The following WWOX variants were observed in gnomAD, a reference collection of about 807,000 sequenced individuals.
WWOX encodes WW domain-containing oxidoreductase.
Under a neutral mutation model 46.2 loss-of-function variants are expected in WWOX, and 69 were observed. The ratio of observed to expected loss-of-function variants is 1.49; its 90% confidence interval spans 1.23 to 1.82. WWOX has a LOEUF of 1.82. WWOX is among the 40% of genes most tolerant of loss of function. WWOX has a pLI of 0.00. For synonymous variants in WWOX, 359 were observed against 202.6 expected (o/e 1.77, Z -6.56); for missense variants, 919 against 542.6 (o/e 1.69, Z -6.89).
chr16:79,039,453 A>C (rs1048365327), intron 8 of WWOX, among the ~76,000 whole-genome samples: 2 of 152,144 alleles, frequency 1.3e-5, no homozygotes, highest in African/African-American at 4.8e-5. Context: ...CCTCCTGGGC[A>C]CAGCTGTGCA....
chr16:78,383,249 T>G (rs544211393), intron 5 of WWOX, among the ~76,000 whole-genome samples: 11 of 152,042 alleles, frequency 7.2e-5, no homozygotes, highest in African/African-American at 2.7e-4. Context: ...TCTAGTAAAT[T>G]GTGTTGTGTT....
At chr16:79,184,981 A>G (rs750540818) in intron 8 of WWOX, among the ~76,000 whole-genome samples, 1 of 152,246 alleles carries the variant, frequency 6.6e-6, no homozygotes, top group Non-Finnish European at 1.5e-5. Context: ...CCTAGCACTG[A>G]CAATGAAACA....
chr16:79,162,582 T>C (rs1373226173), intron 8 of WWOX, among the ~76,000 whole-genome samples: 1 of 152,132 alleles, frequency 6.6e-6, no homozygotes, highest in Non-Finnish European at 1.5e-5. Flanking sequence ...GCGGAGACCT[T>C]AGGGACAGGA....
intron 8 of WWOX, among the ~76,000 whole-genome samples, chr16:78,858,144 T>TGTGTGTGTG (rs2052610709): frequency 2.0e-5 from 3 of 148,540 alleles, no homozygotes; most frequent in African/African-American, 7.5e-5. Context: ...CATTGTGTGT[T>TGTGTGTGTG]TGTGTGTGTG....
chr16:78,972,998 G>T (rs572728978), intron 8 of WWOX, among the ~76,000 whole-genome samples: 2 of 152,252 alleles, frequency 1.3e-5, no homozygotes, highest in South Asian at 2.1e-4. Context: ...CCCTTCCTCC[G>T]ATCGCATTGA....
intron 8 of WWOX, among the ~76,000 whole-genome samples, chr16:78,521,565 A>G (rs1197946606): frequency 6.6e-6 from 1 of 152,212 alleles, no homozygotes; most frequent in Non-Finnish European, 1.5e-5. Flanking sequence ...CTTATATTAC[A>G]GGGTTGTCAT....
At chr16:78,500,392 C>T (rs2085030686) in intron 8 of WWOX, among the ~76,000 whole-genome samples, 1 of 109,794 alleles carries the variant, frequency 9.1e-6, no homozygotes, top group African/African-American at 3.3e-5. Flanking sequence ...TTTCTTCCTT[C>T]CTCCTTTTCT....
At chr16:78,488,929 A>G (rs948002612) in intron 8 of WWOX, among the ~76,000 whole-genome samples, 1 of 152,086 alleles carries the variant, frequency 6.6e-6, no homozygotes, top group African/African-American at 2.4e-5. Context: ...GCCATTTGGG[A>G]TGTGCTTTCT....
At chr16:78,631,159 AT>A (rs1311826203) in intron 8 of WWOX, among the ~76,000 whole-genome samples, 1 of 152,180 alleles carries the variant, frequency 6.6e-6, no homozygotes, top group African/African-American at 2.4e-5. Flanking sequence ...GGATTTTGGT[AT>A]TTGGGGGGGT....
At chr16:78,916,025 G>A (rs2045242855) in intron 8 of WWOX, among the ~76,000 whole-genome samples, 1 of 152,212 alleles carries the variant, frequency 6.6e-6, no homozygotes. Flanking sequence ...ATTAGGGAAA[G>A]GGAATTTGGA....
At chr16:78,826,201 A>G (rs2051652149) in intron 8 of WWOX, among the ~76,000 whole-genome samples, 1 of 152,326 alleles carries the variant, frequency 6.6e-6, no homozygotes, top group East Asian at 1.9e-4. Context: ...CTAAAAATAC[A>G]AAGATTAGCC....
intron 8 of WWOX, among the ~76,000 whole-genome samples, chr16:78,497,873 A>T (rs2084955602): frequency 6.6e-6 from 1 of 151,260 alleles, no homozygotes; most frequent in Non-Finnish European, 1.5e-5. Context: ...AAAATTAAAA[A>T]AGCCCACATT....
At chr16:78,571,783 G>T (rs139127290) in intron 8 of WWOX, among the ~76,000 whole-genome samples, 1,682 of 152,222 alleles carry the variant, frequency 0.011, 30 homozygotes, top group Middle Eastern at 0.048. Context: ...CAGGAGAATC[G>T]CTGGAACCCG....
intron 5 of WWOX, among the ~76,000 whole-genome samples, chr16:78,333,182 C>G (rs936569234): frequency 2.0e-5 from 3 of 150,618 alleles, no homozygotes; most frequent in African/African-American, 7.3e-5. Flanking sequence ...TCCTGGGTAG[C>G]TGGGACTACA....
At chr16:79,040,729 C>A (rs572128872) in intron 8 of WWOX, among the ~76,000 whole-genome samples, 4 of 152,264 alleles carry the variant, frequency 2.6e-5, no homozygotes, top group Admixed American at 6.5e-5. Context: ...ACTAGAACCA[C>A]AGAGATCCCC....
intron 8 of WWOX, among the ~76,000 whole-genome samples, chr16:78,449,196 T>A (rs74030270): frequency 0.073 from 11,141 of 152,236 alleles, 499 homozygotes; most frequent in East Asian, 0.2. Flanking sequence ...CCTTGCCACG[T>A]AGGGATCTCC....
intron 8 of WWOX, among the ~76,000 whole-genome samples, chr16:78,659,473 A>T (rs944875241): frequency 3.9e-5 from 6 of 152,142 alleles, no homozygotes; most frequent in African/African-American, 1.4e-4. Context: ...TCAGCAATCT[A>T]GTTTTAGCCC....
chr16:78,463,401 A>G (rs536691222), intron 8 of WWOX, among the ~76,000 whole-genome samples: 4 of 152,322 alleles, frequency 2.6e-5, no homozygotes, highest in Middle Eastern at 3.4e-3. Flanking sequence ...GCTAATTTAT[A>G]TAGACTGGAG....
intron 8 of WWOX, among the ~76,000 whole-genome samples, chr16:78,810,797 A>C (rs112389319): frequency 3.8e-4 from 58 of 152,266 alleles, no homozygotes; most frequent in African/African-American, 1.3e-3. Flanking sequence ...CATCTTATGC[A>C]GGGGGGAAAA....
Sources: gnomAD v4.1 joint callset for allele counts (sites outside exome capture counted in the v4.1 genomes callset) on GRCh38, gnomAD v4.1.1 for gene constraint, MANE v1.5 for transcripts, NCBI Gene and HGNC (gene_info 2026-07-23, HGNC 2026-07-21) for gene names.